Variants in TRDN observed in about 807,000 individuals in gnomAD.
The protein encoded by TRDN is triadin in skeletal muscle.
Under a neutral mutation model 149.7 loss-of-function variants are expected in TRDN, and 161 were observed. The observed-to-expected ratio is 1.08, with a 90% CI of 0.95 to 1.23. The LOEUF (loss-of-function observed/expected upper bound fraction) is 1.23, where lower values mean the gene tolerates loss of function less well. Ranked by LOEUF, TRDN falls within the 50% of genes most tolerant of loss-of-function variation. The pLI, the probability that TRDN is intolerant of heterozygous loss-of-function variation, is 0.00. For synonymous variants in TRDN, 294 were observed against 250.5 expected (o/e 1.17, Z -1.64); for missense variants, 896 against 823.5 (o/e 1.09, Z -1.08).
chr6:123,496,015 C>T (rs1778428423), intron 9 of TRDN, among the ~76,000 whole-genome samples: 2 of 147,852 alleles, frequency 1.4e-5, no homozygotes, highest in African/African-American at 4.9e-5. Flanking sequence ...TGATACTATA[C>T]ACAAACATCG....
intron 38 of TRDN, among the ~76,000 whole-genome samples, chr6:123,236,840 G>A (rs938992268): frequency 1.3e-5 from 2 of 151,964 alleles, no homozygotes; most frequent in Admixed American, 6.6e-5. Flanking sequence ...ATTACTGTAA[G>A]TGTACAGTAA....
chr6:123,336,069 G>T (rs182052184), intron 22 of TRDN, among the ~76,000 whole-genome samples: 7 of 152,036 alleles, frequency 4.6e-5, no homozygotes, highest in East Asian at 3.9e-4. Flanking sequence ...AATAGCAAAA[G>T]AACTTAGACT....
At chr6:123,355,403 T>C (rs575839000) in intron 20 of TRDN, among the ~76,000 whole-genome samples, 1 of 151,828 alleles carries the variant, frequency 6.6e-6, no homozygotes, top group East Asian at 1.9e-4. Context: ...GCATTATAAT[T>C]TTTAATCATT....
intron 14 of TRDN, among the ~76,000 whole-genome samples, chr6:123,384,440 G>A (rs921364513): frequency 6.6e-6 from 1 of 152,036 alleles, no homozygotes; most frequent in African/African-American, 2.4e-5. Flanking sequence ...TGGTCATGTA[G>A]GAATAAATTC....
chr6:123,342,961 G>T (rs1306036112), intron 21 of TRDN, among the ~76,000 whole-genome samples: 1 of 152,036 alleles, frequency 6.6e-6, no homozygotes, highest in Non-Finnish European at 1.5e-5. Flanking sequence ...CAAATTTTGT[G>T]CTGATCACAT....
intron 38 of TRDN, among the ~76,000 whole-genome samples, chr6:123,229,058 A>G (rs1367075503): frequency 1.3e-5 from 2 of 151,980 alleles, no homozygotes; most frequent in Non-Finnish European, 2.9e-5. Flanking sequence ...GAAGAATAAA[A>G]TTGTACTATC....
chr6:123,560,889 A>C (rs1781956573), intron 2 of TRDN, among the ~76,000 whole-genome samples: 1 of 152,162 alleles, frequency 6.6e-6, no homozygotes, highest in South Asian at 2.1e-4. Context: ...CCATCGTGGA[A>C]ATCTATCCTC....
intron 1 of TRDN, among the ~76,000 whole-genome samples, chr6:123,615,913 AC>A (rs1375688916): frequency 6.6e-6 from 1 of 152,210 alleles, no homozygotes; most frequent in African/African-American, 2.4e-5. Flanking sequence ...AATATTCCCA[AC>A]AAAAAGAAAT....
At chr6:123,385,292 G>A (rs1305203807) in intron 14 of TRDN, among the ~76,000 whole-genome samples, 2 of 152,016 alleles carry the variant, frequency 1.3e-5, no homozygotes, top group African/African-American at 2.4e-5. Context: ...GCCGGGTGTG[G>A]TAGCAGCCGC....
chr6:123,595,429 G>C (rs1313202292), intron 1 of TRDN, among the ~76,000 whole-genome samples: 1 of 152,100 alleles, frequency 6.6e-6, no homozygotes, highest in African/African-American at 2.4e-5. Context: ...CCTGATGAAA[G>C]ACTGACTAGT....
chr6:123,461,536 A>T (rs1402140313), intron 10 of TRDN, among the ~76,000 whole-genome samples: 4 of 152,188 alleles, frequency 2.6e-5, no homozygotes, highest in Non-Finnish European at 5.9e-5. Flanking sequence ...ATGCCCAATA[A>T]TTACATGTGG....
At chr6:123,404,283 T>C (rs566881369) in intron 12 of TRDN, among the ~76,000 whole-genome samples, 1 of 152,354 alleles carries the variant, frequency 6.6e-6, no homozygotes, top group Admixed American at 6.5e-5. Flanking sequence ...AATATTCATT[T>C]CTGTAAACAT....
chr6:123,411,228 G>C (rs1773429200), intron 12 of TRDN, among the ~76,000 whole-genome samples: 1 of 151,718 alleles, frequency 6.6e-6, no homozygotes, highest in Non-Finnish European at 1.5e-5. Context: ...TGTATTTTTA[G>C]TAGAGACGAG....
At chr6:123,617,355 C>T (rs1462939592) in intron 1 of TRDN, among the ~76,000 whole-genome samples, 2 of 152,024 alleles carry the variant, frequency 1.3e-5, no homozygotes, top group African/African-American at 4.8e-5. Flanking sequence ...GAACAAGTCA[C>T]AGTTTGTATT....
chr6:123,524,180 T>C (rs1224851797), intron 5 of TRDN, among the ~76,000 whole-genome samples: 3 of 152,070 alleles, frequency 2.0e-5, no homozygotes, highest in African/African-American at 7.2e-5. Flanking sequence ...CATGAATAAT[T>C]TGGGTGGACA....
intron 1 of TRDN, among the ~76,000 whole-genome samples, chr6:123,576,712 C>T (rs187163134): frequency 6.6e-6 from 1 of 152,070 alleles, no homozygotes; most frequent in East Asian, 1.9e-4. Flanking sequence ...TTTGGAGAGA[C>T]ACAAACATTC....
At chr6:123,447,358 CAGTA>C (rs1775447765) in intron 10 of TRDN, among the ~76,000 whole-genome samples, 1 of 152,122 alleles carries the variant, frequency 6.6e-6, no homozygotes, top group African/African-American at 2.4e-5. Flanking sequence ...GGTGTGACAG[CAGTA>C]AGTAAGAAAG....
At chr6:123,313,280 TCTGTCA>T (rs1778901062) in intron 24 of TRDN, among the ~76,000 whole-genome samples, 1 of 152,010 alleles carries the variant, frequency 6.6e-6, no homozygotes, top group South Asian at 2.1e-4. Flanking sequence ...GAAGTCTACT[TCTGTCA>T]TTTCAGCCAT....
Position 123,576,515 on chromosome 6 carries a change from G to A in TRDN, c.23-5383C>T, listed in dbSNP as rs112785524. Among the ~76,000 whole-genome samples the A allele has an allele frequency of 5.9e-3, 895 of 151,252 alleles. 8 individuals carry two copies. The highest frequency in any genetic ancestry group is 0.02 in the African/African-American group (822 of 41,232). ...TTATCTATTTATTTTAACATTATCT[G>A]GCACTCCTTCCTACCTACCCACTCC... On this transcript the variant is annotated intron_variant, in intron 1 of 40. Transcript: ENST00000334268.
Sources: gnomAD v4.1 joint callset for allele counts (sites outside exome capture counted in the v4.1 genomes callset) on GRCh38, gnomAD v4.1.1 for gene constraint, MANE v1.5 for transcripts, NCBI Gene and HGNC (gene_info 2026-07-23, HGNC 2026-07-21) for gene names.